MAP3K11: variants seen among roughly 807,000 people sequenced by gnomAD.
MAP3K11 encodes SH3 domain-containing proline-rich kinase.
Under a neutral mutation model 84.9 loss-of-function variants are expected in MAP3K11, and 46 were observed. The observed-to-expected ratio is 0.54, with a 90% CI of 0.43 to 0.69. The LOEUF is 0.69. Ranked by LOEUF, MAP3K11 falls within the 30% of genes least tolerant of loss-of-function variation. The probability of loss-of-function intolerance (pLI) is 0.00; values close to 1 mark genes in which losing one functional copy is unlikely to be tolerated. For missense variants in MAP3K11, 1,053 were observed against 1,198.3 expected (o/e 0.88, Z 1.79); for synonymous variants, 527 against 514.7 (o/e 1.02, Z -0.32).
Position 65,613,771 on chromosome 11 carries a change from G to T in MAP3K11, c.-15C>A, listed in dbSNP as rs766321466. ...AAGGGCTCCATGGCCGGGAGCCGGCGCTGGGATGTGTGGAGGACCTTCTCT... is the reference window on the plus strand; with the variant it reads ...AAGGGCTCCATGGCCGGGAGCCGGCTCTGGGATGTGTGGAGGACCTTCTCT... On this transcript the variant is annotated 5_prime_UTR_variant, in exon 1 of 10. Coordinates refer to ENST00000309100, the MANE Select transcript of MAP3K11 (RefSeq NM_002419.4). The T allele has an allele frequency of 1.3e-6, 2 of 1,530,652 alleles. No individual in the cohort carries two copies. Among genetic ancestry groups the T allele is most frequent in the Non-Finnish European group, 1.8e-6 (2 of 1,142,312 alleles). The allele number at this position is 1,530,652 out of a possible 1,614,324, so 94.8% of individuals were successfully genotyped here.
At chr11:65,605,736 C>T (rs1342822174) in intron 8 of MAP3K11, 25 bp downstream of exon 8, 3 of 1,573,172 alleles carry the variant, frequency 1.9e-6, no homozygotes, top group South Asian at 1.1e-5. Flanking sequence ...CAGCCAGATC[C>T]TGCCGGGGGA....
intron 5 of MAP3K11, 75 bp downstream of exon 5, chr11:65,607,189 CAGCGCG>C (rs1175734919): frequency 2.9e-6 from 4 of 1,395,746 alleles, no homozygotes; most frequent in African/African-American, 1.5e-5. Context: ...AAACCAATCC[CAGCGCG>C]GTGAGCACAC....
rs775278605 is a variant in MAP3K11, at chr11:65,605,750, A to G, written c.1831+11T>C. Reference sequence around the variant, plus strand: ...TCAGCCAGATCCTGCCGGGGGAGGAAGGCCACTCACCATTGAGTGCTGGGG... The same window carrying G: ...TCAGCCAGATCCTGCCGGGGGAGGAGGGCCACTCACCATTGAGTGCTGGGG... On this transcript the variant is annotated intron_variant, in intron 8 of 9. Transcript: ENST00000309100. 12 of 1,588,266 alleles carry G rather than the reference A, an allele frequency of 7.6e-6. No homozygotes were observed. Among genetic ancestry groups the G allele is most frequent in the Non-Finnish European group, 1.0e-5 (12 of 1,166,112 alleles).
chr11:65,605,928 GGGCACTCA>G lies in MAP3K11; in HGVS notation c.1739+10_1739+17del. ...GAAAGCAAATGATGCTGGGTCTGGGGGGCACTCAGGTACTCACCTCCCATTCTGGGCTT... is the reference window on the plus strand; with the variant it reads ...GAAAGCAAATGATGCTGGGTCTGGGGGGTACTCACCTCCCATTCTGGGCTT... On this transcript the variant is annotated intron_variant, in intron 7 of 9. Transcript: ENST00000309100. 1 of 1,607,234 alleles carries G rather than the reference GGGCACTCA, an allele frequency of 6.2e-7. No individual in the cohort carries two copies. Among genetic ancestry groups the G allele is most frequent in the East Asian group, 2.2e-5 (1 of 44,548 alleles).
Position 65,607,694 on chromosome 11 carries a change from C to A in MAP3K11, c.1192G>T (p.Gly398Cys). ...PRDSFHSMQE[G>C]WKREIQGLFD... ...AGACCCTGGATCTCGCGCTTCCAGC[C>A]TTCCTGCATGGAATGGAAGGAGTCC... Residue 398 changes from glycine to cysteine, a missense_variant, in exon 4 of 10, where the codon GGC becomes TGC. Transcript: ENST00000309100. 2 of 1,613,718 alleles carry A rather than the reference C, an allele frequency of 1.2e-6. No homozygotes were observed. The highest frequency in any genetic ancestry group is 1.7e-6 in the Non-Finnish European group (2 of 1,179,706).
At chr11:65,605,621 C>G (rs1200622207) in intron 8 of MAP3K11, 140 bp downstream of exon 8, 2 of 618,810 alleles carry the variant, frequency 3.2e-6, no homozygotes, top group Non-Finnish European at 5.5e-6. Context: ...TCTGTCTTGT[C>G]TCAGCCTTGG....
chr11:65,606,711 G>A lies in MAP3K11; in HGVS notation c.1583C>T (p.Pro528Leu). The A allele has an allele frequency of 1.9e-6, 3 of 1,601,624 alleles. No individual in the cohort carries two copies. Among genetic ancestry groups the A allele is most frequent in the Non-Finnish European group, 2.6e-6 (3 of 1,174,768 alleles). Residue 528 changes from proline (P) to leucine (L), a missense_variant, in exon 6 of 10, where the codon CCC (proline) becomes CTC (leucine). By Grantham distance (98) the Pro-to-Leu change is moderately conservative. This residue lies in a region of MAP3K11 where 583 missense variants were observed against 566.6 expected (regional missense o/e 1.03). Transcript: ENST00000309100. ...CTTACACTGGATGGCTCGGAACCGG[G>A]GAAAGGTGGGCGAATCCCCAGGCCC... Reference protein sequence around the residue: ...EVGPGDSPTFPRFRAIQLEPA... With the variant: ...EVGPGDSPTFLRFRAIQLEPA...
chr11:65,603,362 G>T (rs2135366077), intron 8 of MAP3K11, among the ~76,000 whole-genome samples: 1 of 152,380 alleles, frequency 6.6e-6, no homozygotes, highest in Admixed American at 6.5e-5. Flanking sequence ...AGGCGAAACT[G>T]CTTCCGTGAG....
At chr11:65,608,161 G>A in intron 2 of MAP3K11, 91 bp from the exon 3 acceptor site, 2 of 1,594,584 alleles carry the variant, frequency 1.3e-6, no homozygotes, top group African/African-American at 1.3e-5. Context: ...TAGGAGCCAA[G>A]TGGTTTGGGT....
In MAP3K11 at chr11:65,603,072, C is replaced by T. The variant is rs144413812; in HGVS notation, c.1831+2689G>A. Among the ~76,000 whole-genome samples the T allele has an allele frequency of 2.6e-5, 4 of 152,266 alleles. No individual in the cohort carries two copies. The East Asian group carries it at 5.8e-4, about 22-fold the overall frequency. On this transcript the variant is annotated intron_variant, in intron 8 of 9. Transcript: ENST00000309100. ...GAGCCATGATCATGCCATTGCAGTC[C>T]AGCCTGGGTAACAGAATGAGACTCT... is the stretch of plus-strand genomic sequence containing the variant.
chr11:65,607,241 CG>C (rs1309510382), intron 5 of MAP3K11, 28 bp downstream of exon 5: 3 of 1,452,636 alleles, frequency 2.1e-6, no homozygotes, highest in East Asian at 2.8e-5. Context: ...CAGCCAATGG[CG>C]GGGGACGCCC....
chr11:65,599,564 G>A lies in MAP3K11; in HGVS notation c.2036C>T (p.Pro679Leu), dbSNP rs748895865. The change falls in exon 9 of 10, where the codon CCC becomes CTC. Residue 679 changes from proline to leucine, a missense_variant. Coordinates refer to ENST00000309100, the MANE Select transcript of MAP3K11 (RefSeq NM_002419.4). ...RERGESPTTP[P>L]TPTPAPCPTE... ...CGGGCAGGGCGCGGGCGTTGGCGTG[G>A]GGGGTGTTGTCGGGGACTCCCCGCG... 25 of 1,501,716 alleles carry A rather than the reference G, an allele frequency of 1.7e-5. No individual in the cohort carries two copies. Among genetic ancestry groups the A allele is most frequent in the Admixed American group, 1.5e-4 (6 of 39,626 alleles). 93.0% of individuals were successfully genotyped at this position (1,501,716 alleles called of 1,614,324 possible).
chr11:65,606,073 C>T lies in MAP3K11; in HGVS notation c.1612G>A (p.Ala538Thr). The T allele has an allele frequency of 6.3e-7, 1 of 1,575,718 alleles. No individual in the cohort carries two copies. The highest frequency in any genetic ancestry group is 8.6e-7 in the Non-Finnish European group (1 of 1,165,140). Residue 538 changes from alanine to threonine, a missense_variant, in exon 7 of 10, where the codon GCA (alanine) becomes ACA (threonine). Physicochemically the swap from Ala to Thr is moderately conservative, Grantham distance 58. This residue lies in a region of MAP3K11 where 583 missense variants were observed against 566.6 expected (regional missense o/e 1.03). Coordinates refer to ENST00000309100, the MANE Select transcript of MAP3K11 (RefSeq NM_002419.4). ...CGGCCCCATGCCTGGCCTGGCTCTG[C>T]AGGCTCCACTGCAGGGGAAACCGAT... Reference protein sequence around the residue: ...PRFRAIQLEPAEPGQAWGRQS... With the variant: ...PRFRAIQLEPTEPGQAWGRQS...
rs764029799 is a variant in MAP3K11 at position 65,599,432 on chromosome 11, C to T, written c.2168G>A (p.Arg723Gln). 1.0e-5 allele frequency: 16 copies of T among 1,524,400 alleles called. No individual in the cohort carries two copies. Among genetic ancestry groups the T allele is most frequent in the African/African-American group, 2.9e-5 (2 of 68,164 alleles). The allele number at this position is 1,524,400 out of a possible 1,614,324, so 94.4% of individuals were successfully genotyped here. A position where few individuals can be genotyped will look rare whatever the true frequency, so the allele number is the denominator to read the frequency against. ...CTCACGTCGGGGGCTCTTGGCTGAC[C>T]GCTGGCCCACAGGGATACCCAGGTC... is the stretch of plus-strand genomic sequence containing the variant. The part of the protein sequence containing the change: ...LLDLGIPVGQ[R>Q]SAKSPRREEE... The change falls in exon 9 of 10, where the codon CGG becomes CAG. Residue 723 changes from arginine (R) to glutamine (Q), a missense_variant. Arg to Gln is a conservative substitution (Grantham distance 43). Around this residue, in one of 3 missense-constraint regions of MAP3K11, gnomAD observed 583 missense variants for 566.6 expected, o/e 1.03. Coordinates refer to ENST00000309100, the MANE Select transcript of MAP3K11 (RefSeq NM_002419.4).
In MAP3K11 at chr11:65,613,515, T is replaced by A. The variant is rs1854606727; in HGVS notation, c.242A>T (p.Glu81Val). The stretch of plus-strand genomic sequence containing the variant: ...ACCCACCTGGCCCGCCCACCAGCCC[T>A]CGTCTCCTGAGATGGCTGCGTCCCG... The part of the protein sequence containing the change: ...LSRDAAISGD[E>V]GWWAGQVGGQ... Residue 81 changes from glutamate to valine, a missense_variant, in exon 1 of 10, where the codon GAG becomes GTG. Glu to Val is a moderately radical substitution (Grantham distance 121). Around this residue, in one of 3 missense-constraint regions of MAP3K11, gnomAD observed 160 missense variants for 167.3 expected, o/e 0.96. Transcript: ENST00000309100. 6.2e-7 allele frequency: 1 copy of A among 1,609,304 alleles called. No homozygotes were observed. Among genetic ancestry groups the A allele is most frequent in the Non-Finnish European group, 8.5e-7 (1 of 1,177,642 alleles).
intron 6 of MAP3K11, chr11:65,606,328 G>A (rs1055132053): frequency 2.2e-6 from 1 of 454,268 alleles, no homozygotes; most frequent in Non-Finnish European, 3.8e-6. Flanking sequence ...AACTGCCTGA[G>A]TTTGATTCTG....
chr11:65,606,667 G>A (rs1590856458), intron 6 of MAP3K11, 24 bp downstream of exon 6: 3 of 1,516,240 alleles, frequency 2.0e-6, no homozygotes, highest in African/African-American at 2.8e-5. Context: ...GGCGGAGAGG[G>A]GCATGAGAGG....
intron 8 of MAP3K11, among the ~76,000 whole-genome samples, chr11:65,602,465 G>A (rs376790642): frequency 7.9e-5 from 12 of 152,178 alleles, no homozygotes; most frequent in Admixed American, 2.6e-4. Context: ...GGTCAACATG[G>A]TGAAACCTCA....
At chr11:65,606,955 C>G (rs1461420744) in intron 5 of MAP3K11, 151 bp from the exon 6 acceptor site, 3 of 598,466 alleles carry the variant, frequency 5.0e-6, no homozygotes, top group African/African-American at 4.0e-5. Context: ...CTTTCTTGAG[C>G]CCCTGGGTCT....
Sources: gnomAD v4.1 joint callset for allele counts (sites outside exome capture counted in the v4.1 genomes callset) on GRCh38, gnomAD v4.1.1 for gene constraint, gnomAD v4.1.1 regional missense constraint, MANE v1.5 for transcripts, NCBI Gene and HGNC (gene_info 2026-07-23, HGNC 2026-07-21) for gene names.